Variants in FNDC3B observed in about 807,000 individuals in gnomAD.
FNDC3B encodes the protein fibronectin type III domain containing 3B.
FNDC3B carries 12 observed loss-of-function variants against 151.5 expected under a neutral mutation model. That is an observed-to-expected ratio of 0.08 (90% CI 0.05 to 0.13). FNDC3B has a LOEUF of 0.13. Among genes scored for constraint, FNDC3B ranks in the 10% least tolerant of loss-of-function variants. The probability of loss-of-function intolerance (pLI) is 1.00; values close to 1 mark genes in which losing one functional copy is unlikely to be tolerated. For missense variants in FNDC3B, 1,214 were observed against 1,505.3 expected, an observed-to-expected ratio of 0.81 and a Z score of 3.20; for synonymous variants, 528 against 549.0, an observed-to-expected ratio of 0.96 and a Z score of 0.54.
chr3:172,134,975 C>T (rs1271386824), intron 3 of FNDC3B, among the ~76,000 whole-genome samples: 1 of 149,294 alleles, frequency 6.7e-6, no homozygotes, highest in Non-Finnish European at 1.5e-5. Flanking sequence ...CAGAATCCTA[C>T]AACCCTGTAT....
chr3:172,228,059 G>A (rs1726683011), intron 4 of FNDC3B, among the ~76,000 whole-genome samples: 1 of 151,852 alleles, frequency 6.6e-6, no homozygotes, highest in Admixed American at 6.6e-5. Flanking sequence ...TTTTTTATGT[G>A]AGCCAATTGG....
intron 3 of FNDC3B, among the ~76,000 whole-genome samples, chr3:172,147,278 G>GCCTGGCGACAGAGTGAGAC: frequency 6.7e-6 from 1 of 148,622 alleles, no homozygotes; most frequent in African/African-American, 2.5e-5. Context: ...TTGTACTCGA[G>GCCTGGCGACAGAGTGAGAC]CCTGGCGACA....
chr3:172,300,578 A>G (rs1730855862), intron 9 of FNDC3B, among the ~76,000 whole-genome samples: 2 of 152,200 alleles, frequency 1.3e-5, no homozygotes, highest in Admixed American at 6.5e-5. Context: ...AGAATAGTTA[A>G]TGGATTCCCC....
intron 2 of FNDC3B, among the ~76,000 whole-genome samples, chr3:172,127,853 A>G (rs973016023): frequency 1.3e-5 from 2 of 152,106 alleles, no homozygotes; most frequent in Non-Finnish European, 2.9e-5. Context: ...TTTAGTAGAG[A>G]CAGGGTGTTG....
intron 22 of FNDC3B, among the ~76,000 whole-genome samples, chr3:172,361,197 C>T (rs188196566): frequency 1.2e-4 from 19 of 152,322 alleles, no homozygotes; most frequent in African/African-American, 4.3e-4. Flanking sequence ...TTTAATCCTG[C>T]TAATCTCTCT....
intron 2 of FNDC3B, among the ~76,000 whole-genome samples, chr3:172,115,563 T>TA (rs1262961926): frequency 6.6e-6 from 1 of 152,192 alleles, no homozygotes; most frequent in Non-Finnish European, 1.5e-5. Context: ...AAGTGATCTA[T>TA]ATGAATGTTT....
chr3:172,383,854 A>G (rs1735573979), intron 25 of FNDC3B, among the ~76,000 whole-genome samples: 1 of 152,226 alleles, frequency 6.6e-6, no homozygotes, highest in Non-Finnish European at 1.5e-5. Context: ...TAGTCCCTAG[A>G]ACTTGTTTTT....
chr3:172,228,480 T>TA (rs1418447116), intron 4 of FNDC3B, among the ~76,000 whole-genome samples: 1 of 152,182 alleles, frequency 6.6e-6, no homozygotes, highest in Non-Finnish European at 1.5e-5. Context: ...TGCTTTTTCT[T>TA]ACTAGTATTA....
intron 11 of FNDC3B, among the ~76,000 whole-genome samples, chr3:172,320,263 C>T (rs1576908011): frequency 6.6e-6 from 1 of 152,030 alleles, no homozygotes; most frequent in Non-Finnish European, 1.5e-5. Flanking sequence ...TCCTGTAATC[C>T]CAGTTGCTTG....
chr3:172,224,425 T>A (rs1350734017), intron 3 of FNDC3B, among the ~76,000 whole-genome samples: 1 of 152,248 alleles, frequency 6.6e-6, no homozygotes, highest in Non-Finnish European at 1.5e-5. Context: ...TTTTTACAGT[T>A]ACAGAGATGA....
rs78311690 is a variant in FNDC3B, at chr3:172,192,702, C to T, written c.188-34169C>T. Among the ~76,000 whole-genome samples the T allele has an allele frequency of 7.3e-3, 1,107 of 151,988 alleles. 10 individuals are homozygous for T. The highest frequency in any genetic ancestry group is 0.022 in the African/African-American group (928 of 41,464). On this transcript the variant is annotated intron_variant, in intron 3 of 25. Coordinates refer to ENST00000415807, the MANE Select transcript of FNDC3B (RefSeq NM_022763.4). ...AAATGTCTTATTTTATAAATGTTGA[C>T]GGTTAGGATCTCTAATTACAGGGCA...
In FNDC3B at chr3:172,088,588, A is replaced by T. The variant is rs140255750; in HGVS notation, c.-28-23864A>T. Among the ~76,000 whole-genome samples, 105 of 152,366 alleles carry T rather than the reference A, an allele frequency of 6.9e-4. 1 individual carries two copies. Among genetic ancestry groups the T allele is most frequent in the African/African-American group, 2.3e-3 (96 of 41,594 alleles). On this transcript the variant is annotated intron_variant, in intron 1 of 25. Transcript: ENST00000415807. ...AATATAAATGTTTGAAATGTTTTGT[A>T]CATAGCTATTACATTTCTTTAAACT...
At chr3:172,095,292 C>T (rs1719043652) in intron 1 of FNDC3B, among the ~76,000 whole-genome samples, 1 of 152,142 alleles carries the variant, frequency 6.6e-6, no homozygotes, top group African/African-American at 2.4e-5. Context: ...ACAGTACAAG[C>T]CTGAGTCAGA....
rs763652046 is a variant in FNDC3B, at chr3:172,397,510, A to C, written c.*35A>C. 45 of 1,296,994 alleles carry C rather than the reference A, an allele frequency of 3.5e-5. No individual in the cohort carries two copies. The highest frequency in any genetic ancestry group is 4.4e-5 in the Non-Finnish European group (41 of 937,592). 80.3% of individuals were successfully genotyped at this position (1,296,994 alleles called of 1,614,324 possible). Reference sequence around the variant, plus strand: ...AACTAGAGGTATGAATTAATGCTACACATTTTAATACACACATTTATTCAG... The same window carrying C: ...AACTAGAGGTATGAATTAATGCTACCCATTTTAATACACACATTTATTCAG... On this transcript the variant is annotated 3_prime_UTR_variant, in exon 26 of 26. Coordinates refer to ENST00000415807, the MANE Select transcript of FNDC3B (RefSeq NM_022763.4).
intron 2 of FNDC3B, among the ~76,000 whole-genome samples, chr3:172,126,662 A>C (rs1427211329): frequency 6.6e-6 from 1 of 152,122 alleles, no homozygotes; most frequent in Non-Finnish European, 1.5e-5. Context: ...GTCTCAAACT[A>C]GTTGCTTAAA....
chr3:172,223,463 C>T (rs73025497), intron 3 of FNDC3B, among the ~76,000 whole-genome samples: 15,125 of 152,192 alleles, frequency 0.099, 1,311 homozygotes, highest in African/African-American at 0.24. Flanking sequence ...GAAATCAAGA[C>T]TGTGAAGAAA....
intron 1 of FNDC3B, among the ~76,000 whole-genome samples, chr3:172,094,338 A>T (rs558416049): frequency 1.3e-5 from 2 of 152,356 alleles, no homozygotes; most frequent in African/African-American, 4.8e-5. Flanking sequence ...GCCCCAAGCA[A>T]CCACCAGTCT....
intron 6 of FNDC3B, among the ~76,000 whole-genome samples, chr3:172,270,654 T>A (rs1729155316): frequency 6.6e-6 from 1 of 152,208 alleles, no homozygotes; most frequent in Non-Finnish European, 1.5e-5. Context: ...CTGACTCTAT[T>A]GTGTTTGTTT....
chr3:172,401,571 C>G lies in FNDC3B; in HGVS notation c.*4096C>G, dbSNP rs1341231314. 2.0e-5 allele frequency: 3 copies of G among 152,280 alleles called. No individual in the cohort carries two copies. Among genetic ancestry groups the G allele is most frequent in the Admixed American group, 6.5e-5 (1 of 15,280 alleles). The allele number at this position is 152,280 out of a possible 1,614,324, so 9.4% of individuals were successfully genotyped here. A position where few individuals can be genotyped will look rare whatever the true frequency, so the allele number is the denominator to read the frequency against. On this transcript the variant is annotated 3_prime_UTR_variant, in exon 26 of 26. Transcript: ENST00000415807. Reference sequence around the variant, plus strand: ...ACCTGGCACACTGGGTGCTTCCTCTCCCCTGACGAACTCTATAGAGTGTTC... The same window carrying G: ...ACCTGGCACACTGGGTGCTTCCTCTGCCCTGACGAACTCTATAGAGTGTTC...
Sources: gnomAD v4.1 joint callset for allele counts (sites outside exome capture counted in the v4.1 genomes callset) on GRCh38, gnomAD v4.1.1 for gene constraint, MANE v1.5 for transcripts, NCBI Gene and HGNC (gene_info 2026-07-23, HGNC 2026-07-21) for gene names.